ANO3: variants seen among roughly 807,000 people sequenced by gnomAD.
ANO3 encodes the protein anoctamin-3.
A neutral mutation model predicts 144.8 loss-of-function variants in ANO3; 99 were observed. The ratio of observed to expected loss-of-function variants is 0.68; its 90% CI spans 0.58 to 0.81. ANO3 has a LOEUF of 0.81. ANO3 is among the 30% of genes least tolerant of loss of function. The pLI, the probability that ANO3 is intolerant of heterozygous loss-of-function variation, is 0.00. For synonymous variants in ANO3, 414 were observed against 392.6 expected (o/e 1.05, Z -0.64); for missense variants, 905 against 1,202.2 (o/e 0.75, Z 3.66).
intron 7 of ANO3, among the ~76,000 whole-genome samples, chr11:26,528,043 C>G (rs1464459680): frequency 1.3e-5 from 2 of 152,016 alleles, no homozygotes; most frequent in Non-Finnish European, 2.9e-5. Flanking sequence ...ACCTAAAGCT[C>G]TATTTTTGCA....
chr11:26,549,675 C>A (rs1428786701), intron 12 of ANO3, among the ~76,000 whole-genome samples: 7 of 151,772 alleles, frequency 4.6e-5, no homozygotes, highest in African/African-American at 1.7e-4. Context: ...TATATATTTA[C>A]ATGTATACAC....
intron 12 of ANO3, among the ~76,000 whole-genome samples, chr11:26,547,837 G>A (rs1298836891): frequency 1.3e-5 from 2 of 151,842 alleles, no homozygotes; most frequent in Non-Finnish European, 2.9e-5. Flanking sequence ...ATAGCTTTGT[G>A]TGATTTACAT....
intron 1 of ANO3, among the ~76,000 whole-genome samples, chr11:26,333,964 T>C (rs763573697): frequency 3.3e-5 from 5 of 152,176 alleles, no homozygotes; most frequent in Non-Finnish European, 7.3e-5. Context: ...CACTGATGCA[T>C]TGGCTATGGG....
chr11:26,191,567 T>A (rs940029243), intron 1 of ANO3, among the ~76,000 whole-genome samples: 2 of 152,210 alleles, frequency 1.3e-5, no homozygotes, highest in African/African-American at 4.8e-5. Context: ...ACTATTTCAA[T>A]GATTCTGTAT....
intron 6 of ANO3, among the ~76,000 whole-genome samples, chr11:26,517,185 T>C (rs1251471909): frequency 2.6e-5 from 4 of 151,986 alleles, no homozygotes; most frequent in African/African-American, 9.7e-5. Context: ...CAATTTTAAC[T>C]TACAACAATT....
chr11:26,620,620 A>G (rs76049301), intron 17 of ANO3, among the ~76,000 whole-genome samples: 1,681 of 152,292 alleles, frequency 0.011, 35 homozygotes, highest in African/African-American at 0.038. Context: ...CAAAAAAAGA[A>G]AAAGTCCTAT....
intron 4 of ANO3, among the ~76,000 whole-genome samples, chr11:26,499,554 T>A (rs1861105916): frequency 6.6e-6 from 1 of 151,736 alleles, no homozygotes; most frequent in Non-Finnish European, 1.5e-5. Context: ...TAGTCCACTA[T>A]ATCCATGAAA....
At chr11:26,458,064 A>G (rs1410088652) in intron 3 of ANO3, among the ~76,000 whole-genome samples, 1 of 152,126 alleles carries the variant, frequency 6.6e-6, no homozygotes, top group East Asian at 1.9e-4. Context: ...AATAGGAAAT[A>G]TAATATTTGG....
At chr11:26,645,689 A>G (rs1285139789) in intron 23 of ANO3, among the ~76,000 whole-genome samples, 1 of 152,110 alleles carries the variant, frequency 6.6e-6, no homozygotes, top group Non-Finnish European at 1.5e-5. Flanking sequence ...GGAACAACAC[A>G]CACTGGGGCC....
intron 1 of ANO3, among the ~76,000 whole-genome samples, chr11:26,216,081 G>GT (rs1852030549): frequency 6.6e-6 from 1 of 151,880 alleles, no homozygotes; most frequent in Non-Finnish European, 1.5e-5. Flanking sequence ...CAGTTAGGTT[G>GT]TTTCATGTAT....
chr11:26,557,154 C>A (rs1023578976), intron 13 of ANO3, among the ~76,000 whole-genome samples: 3 of 151,948 alleles, frequency 2.0e-5, no homozygotes, highest in African/African-American at 7.2e-5. Flanking sequence ...ATATATTATG[C>A]CTAGTCATCT....
chr11:26,445,816 ATTATT>A (rs1858681587), intron 3 of ANO3, among the ~76,000 whole-genome samples: 2 of 151,748 alleles, frequency 1.3e-5, no homozygotes, highest in South Asian at 4.2e-4. Flanking sequence ...AGTGTTTTTT[ATTATT>A]TTATTTTATT....
chr11:26,430,050 C>T (rs371788896), intron 1 of ANO3, among the ~76,000 whole-genome samples: 1 of 151,990 alleles, frequency 6.6e-6, no homozygotes, highest in African/African-American at 2.4e-5. Flanking sequence ...TCGAGAACAT[C>T]CTGGCCAACA....
intron 1 of ANO3, among the ~76,000 whole-genome samples, chr11:26,370,658 TG>T (rs1391638903): frequency 6.6e-6 from 1 of 152,178 alleles, no homozygotes; most frequent in East Asian, 1.9e-4. Flanking sequence ...AGAGACTTTT[TG>T]AATGGCTTTG....
intron 26 of ANO3, 60 bp from the exon 27 acceptor site, chr11:26,660,202 G>C (rs1423314430): frequency 3.6e-5 from 54 of 1,484,094 alleles, no homozygotes; most frequent in Non-Finnish European, 4.5e-5. Context: ...TTGTTGTACT[G>C]TTTTATAATT....
intron 26 of ANO3, among the ~76,000 whole-genome samples, chr11:26,658,397 T>C (rs1760655457): frequency 8.6e-6 from 1 of 116,438 alleles, no homozygotes; most frequent in Non-Finnish European, 2.0e-5. Flanking sequence ...GTGGATCACC[T>C]GAGGTCAGGA....
intron 1 of ANO3, among the ~76,000 whole-genome samples, chr11:26,387,330 T>A (rs955650344): frequency 6.6e-6 from 1 of 151,918 alleles, no homozygotes; most frequent in Admixed American, 6.6e-5. Flanking sequence ...TCTAATTCCA[T>A]GTCCTTTAAT....
At chr11:26,276,885 C>G (rs1002768578) in intron 1 of ANO3, among the ~76,000 whole-genome samples, 9 of 152,140 alleles carry the variant, frequency 5.9e-5, no homozygotes, top group Admixed American at 5.9e-4. Context: ...ACCTCTGTCA[C>G]TTGAGAGACT....
In ANO3 at chr11:26,525,641, A is replaced by C; in HGVS notation, c.699A>C (p.Lys233Asn). Residue 233 changes from lysine (K) to asparagine (N), a missense_variant, in exon 7 of 27, where the codon AAA becomes AAC. Around this residue, in one of 4 missense-constraint regions of ANO3, gnomAD observed 63 missense variants for 107.3 expected, o/e 0.59. Coordinates refer to ENST00000256737, the MANE Select transcript of ANO3 (RefSeq NM_031418.4). ...RLNIRMPFRK[K>N]CYYTDGRSKS... ...TTTTCTATTATTTTTTCAGGAAAAA[A>C]TGCTATTACACTGACGGGAGGAGCA... The C allele has an allele frequency of 6.2e-7, 1 of 1,610,396 alleles. No individual in the cohort carries two copies. The highest frequency in any genetic ancestry group is 8.5e-7 in the Non-Finnish European group (1 of 1,178,364).
Sources: allele counts gnomAD v4.1 joint callset (sites outside exome capture counted in the v4.1 genomes callset), GRCh38; gene constraint gnomAD v4.1.1; regional missense constraint gnomAD v4.1.1; transcripts MANE v1.5; gene names NCBI Gene and HGNC (gene_info 2026-07-23, HGNC 2026-07-21).